Variants in MED24 observed in about 807,000 individuals in gnomAD.
MED24 encodes mediator of RNA polymerase II transcription subunit 24.
Under a neutral mutation model 118.8 loss-of-function variants are expected in MED24, and 74 were observed. That is an observed-to-expected ratio of 0.62 (90% CI 0.52 to 0.76). The LOEUF is 0.76. MED24 is among the 30% of genes least tolerant of loss of function. MED24 has a pLI of 0.00. For synonymous variants in MED24, 521 were observed against 523.9 expected (o/e 0.99, Z 0.08); for missense variants, 1,041 against 1,278.9 (o/e 0.81, Z 2.84).
intron 3 of MED24, among the ~76,000 whole-genome samples, chr17:40,053,079 G>T (rs1280004389): frequency 6.6e-6 from 1 of 151,868 alleles, no homozygotes; most frequent in African/African-American, 2.4e-5. Flanking sequence ...GGACTACAGG[G>T]GCACCACCAC....
At chr17:40,039,427 C>T (rs753691343) in intron 3 of MED24, among the ~76,000 whole-genome samples, 1 of 152,200 alleles carries the variant, frequency 6.6e-6, no homozygotes, top group African/African-American at 2.4e-5. Flanking sequence ...CCTCTCTGCT[C>T]TTCTGAATAT....
chr17:40,031,819 C>T (rs547747538), intron 10 of MED24, among the ~76,000 whole-genome samples, 199 bp from the exon 11 acceptor site: 4 of 152,274 alleles, frequency 2.6e-5, no homozygotes, highest in South Asian at 2.1e-4. Flanking sequence ...AGCACACACA[C>T]GCTGAAACAC....
rs995636062 is a variant in MED24, at chr17:40,035,221, G to C, written c.455C>G (p.Ala152Gly). 11 of 1,613,906 alleles carry C rather than the reference G, an allele frequency of 6.8e-6. No individual in the cohort carries two copies. In the African/African-American group the frequency reaches 1.3e-4, roughly 20 times the overall value. Residue 152 changes from alanine (A) to glycine (G), a missense_variant, in exon 6 of 26, where the codon GCC becomes GGC. Physicochemically the swap from Ala to Gly is moderately conservative, Grantham distance 60. Transcript: ENST00000394128. ...CATGGCAAGCTGCTTCTCCCCAGCG[G>C]CTGGAGTGCCGGCCTCCAGCCCCTC... is the stretch of plus-strand genomic sequence containing the variant. ...LREGLEAGTP[A>G]AGEKQLAMCL...
chr17:40,020,101 G>A (rs978508114), intron 24 of MED24, 168 bp from the exon 25 acceptor site: 13 of 810,130 alleles, frequency 1.6e-5, no homozygotes, highest in Admixed American at 7.4e-5. Context: ...GAGGGGAGGA[G>A]GGGGAACTAG....
At position 40,053,553 on chromosome 17, in the gene MED24, C is replaced by G; in HGVS notation, c.46G>C (p.Glu16Gln). 6.2e-7 allele frequency: 1 copy of G among 1,614,184 alleles called. No homozygotes were observed. Among genetic ancestry groups the G allele is most frequent in the Non-Finnish European group, 8.5e-7 (1 of 1,180,046 alleles). The change falls in exon 2 of 26, where the codon GAG becomes CAG. Residue 16 changes from glutamate to glutamine, a missense_variant. By Grantham distance (29) the Glu-to-Gln change is conservative (BLOSUM62 2). Transcript: ENST00000394128. ...LKQAILQAWK[E>Q]RWSDYQWAIN... ...GCCCATTGGTAGTCACTCCAGCGCT[C>G]CTTCCAGGCTTGCAAAATGGCTTGC...
At chr17:40,026,034 G>T (rs1183425222) in intron 19 of MED24, 122 bp downstream of exon 19, 10 of 994,054 alleles carry the variant, frequency 1.0e-5, no homozygotes, top group Non-Finnish European at 1.2e-5. Flanking sequence ...GAATAGGAAA[G>T]TGAGTGAGTG....
chr17:40,037,370 C>T (rs1984064444), intron 3 of MED24, among the ~76,000 whole-genome samples: 1 of 152,134 alleles, frequency 6.6e-6, no homozygotes, highest in Non-Finnish European at 1.5e-5. Flanking sequence ...GAAACCCTTC[C>T]TCTGTGCTCC....
chr17:40,028,058 A>C, intron 14 of MED24, 112 bp from the exon 15 acceptor site: 1 of 1,103,530 alleles, frequency 9.1e-7, no homozygotes. Context: ...TTACTGGTTA[A>C]ACTTAAAATG....
intron 18 of MED24, 119 bp downstream of exon 18, chr17:40,026,528 C>T: frequency 1.7e-6 from 2 of 1,162,780 alleles, no homozygotes; most frequent in Non-Finnish European, 2.5e-6. Context: ...CACAAAATAT[C>T]AATATCAAAA....
chr17:40,024,437 G>A (rs1394891570), intron 19 of MED24, among the ~76,000 whole-genome samples: 1 of 152,170 alleles, frequency 6.6e-6, no homozygotes, highest in Non-Finnish European at 1.5e-5. Flanking sequence ...GGGAGGCTGA[G>A]GCAGGAGAAT....
intron 6 of MED24, chr17:40,034,829 C>T (rs778244778): frequency 5.2e-6 from 5 of 969,140 alleles, no homozygotes; most frequent in Non-Finnish European, 7.7e-6. Context: ...GGGCAGGGAC[C>T]CTGCCACATG....
chr17:40,049,915 C>T (rs1362535141), intron 3 of MED24, among the ~76,000 whole-genome samples: 2 of 151,110 alleles, frequency 1.3e-5, no homozygotes, highest in South Asian at 2.1e-4. Context: ...TTTGGGAGGC[C>T]GAGGCAGATG....
chr17:40,041,051 A>C (rs950216838), intron 3 of MED24, among the ~76,000 whole-genome samples: 2 of 152,166 alleles, frequency 1.3e-5, no homozygotes, highest in Non-Finnish European at 2.9e-5. Flanking sequence ...CCCGGACAAC[A>C]TAAGAGTCTT....
Position 40,033,260 on chromosome 17 carries a change from G to A in MED24, c.672-54C>T, listed in dbSNP as rs796516299. ...GTTTGGGGGGCCAAAGGTGAAGGCG[G>A]AGAGGATGGCACGGGTGCCACATCT... On this transcript the variant is annotated intron_variant, in intron 7 of 25. Transcript: ENST00000394128. The surrounding 1 kb of genome is among the most constrained non-coding windows in gnomAD (Gnocchi z 5.2). The A allele has an allele frequency of 6.2e-7, 1 of 1,612,356 alleles. No homozygotes were observed. The highest frequency in any genetic ancestry group is 1.1e-5 in the South Asian group (1 of 91,080).
Position 40,033,904 on chromosome 17 carries a change from A to G in MED24, c.560-448T>C. 2.7e-6 allele frequency: 1 copy of G among 372,116 alleles called. No homozygotes were observed. The highest frequency in any genetic ancestry group is 2.0e-5 in the South Asian group (1 of 50,212). The allele number at this position is 372,116 out of a possible 1,614,324, so 23.1% of individuals were successfully genotyped here. On this transcript the variant is annotated intron_variant, in intron 6 of 25. Coordinates refer to ENST00000394128, the MANE Select transcript of MED24 (RefSeq NM_014815.4). The surrounding 1 kb of genome is among the most constrained non-coding windows in gnomAD (Gnocchi z 5.2). ...CTTTCTCATTCTCAACCACTCCCTC[A>G]TCTAGGCATTGCGTTTGCTGCCCTC...
intron 19 of MED24, among the ~76,000 whole-genome samples, chr17:40,024,271 T>G (rs746160585): frequency 6.6e-5 from 10 of 152,182 alleles, no homozygotes; most frequent in Non-Finnish European, 1.3e-4. Flanking sequence ...CGGTGGCTCA[T>G]GCCTATAATC....
Position 40,019,200 on chromosome 17 carries a change from A to G in MED24, c.*329T>C, listed in dbSNP as rs989854200. 3 of 295,312 alleles carry G rather than the reference A, an allele frequency of 1.0e-5. No homozygotes were observed. Among genetic ancestry groups the G allele is most frequent in the African/African-American group, 4.4e-5 (2 of 45,206 alleles). 18.3% of individuals were successfully genotyped at this position (295,312 alleles called of 1,614,324 possible). ...AACACACACACACACACACACACACACACATACACACTTTGCATCTAGAAA... is the reference window on the plus strand; with the variant it reads ...AACACACACACACACACACACACACGCACATACACACTTTGCATCTAGAAA... On this transcript the variant is annotated 3_prime_UTR_variant, in exon 26 of 26. Transcript: ENST00000394128.
chr17:40,039,613 C>T (rs1250614620), intron 3 of MED24, among the ~76,000 whole-genome samples: 1 of 152,024 alleles, frequency 6.6e-6, no homozygotes, highest in Non-Finnish European at 1.5e-5. Context: ...TTCCCTTTCC[C>T]ATCAGTGTTT....
chr17:40,034,346 T>C (rs1188476010), intron 6 of MED24, among the ~76,000 whole-genome samples: 1 of 152,180 alleles, frequency 6.6e-6, no homozygotes, highest in African/African-American at 2.4e-5. Context: ...TAAAACATAC[T>C]TGGGGAAGAA....
Sources: gnomAD v4.1 joint callset for allele counts (sites outside exome capture counted in the v4.1 genomes callset) on GRCh38, gnomAD v4.1.1 for gene constraint, Gnocchi (gnomAD v3.1) non-coding constraint, MANE v1.5 for transcripts, NCBI Gene and HGNC (gene_info 2026-07-23, HGNC 2026-07-21) for gene names.